PYGB: variants seen among roughly 807,000 people sequenced by gnomAD.
The protein encoded by PYGB is glycogen phosphorylase B.
Under a neutral mutation model 94.3 loss-of-function variants are expected in PYGB, and 82 were observed. The observed-to-expected ratio is 0.87, with a 90% CI of 0.73 to 1.04. PYGB has a LOEUF of 1.04. PYGB is among the 50% of genes least tolerant of loss of function. The probability of loss-of-function intolerance (pLI) is 0.00; values close to 1 mark genes in which losing one functional copy is unlikely to be tolerated. For missense variants in PYGB, 1,132 were observed against 1,158.2 expected, an observed-to-expected ratio of 0.98 and a Z score of 0.33; for synonymous variants, 488 against 479.1, an observed-to-expected ratio of 1.02 and a Z score of -0.24.
chr20:25,253,502 A>G (rs1036269376), intron 1 of PYGB, among the ~76,000 whole-genome samples: 1 of 151,452 alleles, frequency 6.6e-6, no homozygotes, highest in African/African-American at 2.4e-5. Context: ...AAATACAAAA[A>G]TTAGCCGGGC....
rs771236699 is a variant in PYGB at position 25,274,618 on chromosome 20, C to T, written c.555C>T (p.Arg185=). The T allele has an allele frequency of 6.2e-7, 1 of 1,613,716 alleles. No individual in the cohort carries two copies. Among genetic ancestry groups the T allele is most frequent in the Non-Finnish European group, 8.5e-7 (1 of 1,179,946 alleles). The change falls in exon 5 of 20, where the codon CGC becomes CGT. Residue 185 remains arginine (R), a synonymous_variant. Transcript: ENST00000216962. ...TAGAGGAGGCCGATGACTGGCTGCG[C>T]TACGGCAACCCCTGGGAGAAAGCGC... ...WQVEEADDWL[R]YGNPWEKARP...
chr20:25,280,165 A>T (rs2088352585), intron 9 of PYGB, 101 bp from the exon 10 acceptor site: 1 of 1,423,414 alleles, frequency 7.0e-7, no homozygotes, highest in Non-Finnish European at 9.7e-7. Flanking sequence ...TGGGGTACCC[A>T]GCATCTGCCT....
chr20:25,250,000 C>CCACCACG, intron 1 of PYGB, among the ~76,000 whole-genome samples: 1 of 152,340 alleles, frequency 6.6e-6, no homozygotes, highest in East Asian at 1.9e-4. Context: ...CAGGCGCCTA[C>CCACCACG]CACCACGCCC....
intron 11 of PYGB, 32 bp downstream of exon 11, chr20:25,281,144 CTCTG>C: frequency 6.2e-7 from 1 of 1,611,230 alleles, no homozygotes; most frequent in Non-Finnish European, 8.5e-7. Context: ...GCGGGGCCAG[CTCTG>C]TCTGACACCC....
At chr20:25,275,776 G>A (rs1241972488) in intron 5 of PYGB, among the ~76,000 whole-genome samples, 1 of 152,216 alleles carries the variant, frequency 6.6e-6, no homozygotes, top group African/African-American at 2.4e-5. Flanking sequence ...GAAGGGGCTA[G>A]AATGCCTTGG....
chr20:25,261,716 A>G (rs2092914086), intron 2 of PYGB, among the ~76,000 whole-genome samples: 1 of 152,222 alleles, frequency 6.6e-6, no homozygotes, highest in African/African-American at 2.4e-5. Flanking sequence ...CATCACAAAG[A>G]AGCTAAAAAC....
chr20:25,273,825 ACTTT>A (rs2088287378), intron 4 of PYGB, among the ~76,000 whole-genome samples: 2 of 151,654 alleles, frequency 1.3e-5, no homozygotes, highest in South Asian at 2.1e-4. Context: ...TTGCAGTGTC[ACTTT>A]CTTTCTTTTT....
At position 25,256,328 on chromosome 20, in the gene PYGB, C is replaced by T. The variant is rs115038533; in HGVS notation, c.244-2909C>T. Reference sequence around the variant, plus strand: ...GATCATATTTTCATCTATTTTTGAGCTTTATGTTTTTCTATTATTTGCCTG... The same window carrying T: ...GATCATATTTTCATCTATTTTTGAGTTTTATGTTTTTCTATTATTTGCCTG... On this transcript the variant is annotated intron_variant, in intron 1 of 19. Transcript: ENST00000216962. Among the ~76,000 whole-genome samples the T allele has an allele frequency of 1.6e-3, 237 of 151,632 alleles. 2 individuals carry two copies. The highest frequency in any genetic ancestry group is 5.6e-3 in the African/African-American group (231 of 41,294).
rs1388971873 is a variant in PYGB at position 25,296,936 on chromosome 20, G to A, written c.*414G>A. ...GCCATAGTGAAGCCTGGGAATGAGT[G>A]TTACTGCAGCATCTGGGCTGCCAGC... On this transcript the variant is annotated 3_prime_UTR_variant, in exon 20 of 20. Transcript: ENST00000216962. 2 of 172,836 alleles carry A rather than the reference G, an allele frequency of 1.2e-5. No homozygotes were observed. The highest frequency in any genetic ancestry group is 1.1e-4 in the Admixed American group (2 of 18,088). 10.7% of individuals were successfully genotyped at this position (172,836 alleles called of 1,614,324 possible). A position where few individuals can be genotyped will look rare whatever the true frequency, so the allele number is the denominator to read the frequency against.
At chr20:25,278,508 C>T (rs763006024) in intron 8 of PYGB, 46 bp downstream of exon 8, 1 of 1,606,060 alleles carries the variant, frequency 6.2e-7, no homozygotes, top group East Asian at 2.2e-5. Context: ...GGGCTGGGCG[C>T]CTTCAGGCTC....
chr20:25,293,323 C>A (rs1338272544), intron 17 of PYGB, among the ~76,000 whole-genome samples: 1 of 152,148 alleles, frequency 6.6e-6, no homozygotes, highest in Admixed American at 6.5e-5. Flanking sequence ...ACTGTCTTTC[C>A]CATCCCAGGA....
intron 14 of PYGB, chr20:25,284,830 T>G (rs1194480457): frequency 6.6e-6 from 1 of 152,306 alleles, no homozygotes; most frequent in Non-Finnish European, 1.5e-5. Flanking sequence ...AAAATTAAGA[T>G]AGTATGTGTT....
Position 25,283,220 on chromosome 20 carries a change from G to T in PYGB, c.1563G>T (p.Lys521Asn). ...EFLTDLSQLK[K>N]LLPLVSDEVF... ...TGACTGACCTGAGCCAGCTGAAGAA[G>T]CTGCTGCCGCTGGTCAGTGACGAGG... Residue 521 changes from lysine to asparagine, a missense_variant, in exon 13 of 20, where the codon AAG (lysine) becomes AAT (asparagine). Transcript: ENST00000216962. 4 of 1,613,910 alleles carry T rather than the reference G, an allele frequency of 2.5e-6. No individual in the cohort carries two copies. Among genetic ancestry groups the T allele is most frequent in the Non-Finnish European group, 3.4e-6 (4 of 1,179,884 alleles).
Position 25,290,486 on chromosome 20 carries a change from G to A in PYGB, c.1833G>A (p.Ala611=), listed in dbSNP as rs752184187. 14 of 1,603,848 alleles carry A rather than the reference G, an allele frequency of 8.7e-6. No individual in the cohort carries two copies. Among genetic ancestry groups the A allele is most frequent in the African/African-American group, 1.3e-5 (1 of 74,810 alleles). The change falls in exon 16 of 20, where the codon GCG becomes GCA. Residue 611 remains alanine (A), a synonymous_variant. Transcript: ENST00000216962. ...PRTVMIGGKA[A]PGYHMAKLII... ...CCTTCACCCTCTCCTTCCAGGCAGC[G>A]CCCGGTTACCACATGGCCAAGCTGA... is the stretch of plus-strand genomic sequence containing the variant.
intron 14 of PYGB, among the ~76,000 whole-genome samples, chr20:25,287,599 C>T (rs1331232156): frequency 6.6e-6 from 1 of 152,146 alleles, no homozygotes; most frequent in African/African-American, 2.4e-5. Flanking sequence ...GCTGTGAACC[C>T]GGATTACACC....
At position 25,274,726 on chromosome 20, in the gene PYGB, A is replaced by G. The variant is rs760481067; in HGVS notation, c.660+3A>G. ...GCGTGAAGTGGCTGGACACACAGGT[A>G]CCTGGGCTGAAATGTCTGCGGGCAA... On this transcript the variant is annotated splice_donor_region_variant and intron_variant, in intron 5 of 19. Transcript: ENST00000216962. The G allele has an allele frequency of 6.2e-7, 1 of 1,611,676 alleles. No individual in the cohort carries two copies. The highest frequency in any genetic ancestry group is 1.7e-5 in the Admixed American group (1 of 59,954).
intron 2 of PYGB, among the ~76,000 whole-genome samples, chr20:25,264,208 C>T (rs6115113): frequency 0.23 from 35,217 of 152,122 alleles, 4,531 homozygotes; most frequent in East Asian, 0.56. Context: ...CAGAAAAGGC[C>T]TTCAACAAAA....
chr20:25,265,225 T>C (rs1341925511), intron 2 of PYGB, among the ~76,000 whole-genome samples: 1 of 152,192 alleles, frequency 6.6e-6, no homozygotes, highest in Non-Finnish European at 1.5e-5. Context: ...GCTAGCCATA[T>C]GTAGAAAGCT....
rs2092876891 is a variant in PYGB at position 25,248,350 on chromosome 20, C to A, written c.172C>A (p.His58Asn). ...CCGCGACTACTTCTTCGCGCTGGCG[C>A]ACACGGTGCGCGACCACCTCGTGGG... is the stretch of plus-strand genomic sequence containing the variant. The part of the protein sequence containing the change: ...TPRDYFFALA[H>N]TVRDHLVGRW... Residue 58 changes from histidine (H) to asparagine (N), a missense_variant, in exon 1 of 20, where the codon CAC becomes AAC. Transcript: ENST00000216962. The A allele has an allele frequency of 1.2e-6, 2 of 1,601,634 alleles. No homozygotes were observed. Among genetic ancestry groups the A allele is most frequent in the African/African-American group, 1.4e-5 (1 of 73,806 alleles).
Sources: gnomAD v4.1 joint callset for allele counts (sites outside exome capture counted in the v4.1 genomes callset) on GRCh38, gnomAD v4.1.1 for gene constraint, MANE v1.5 for transcripts, NCBI Gene and HGNC (gene_info 2026-07-23, HGNC 2026-07-21) for gene names.